The following KCNT1 variants were observed in gnomAD, a reference collection of about 807,000 sequenced individuals.
The protein encoded by KCNT1 is potassium sodium-activated channel subfamily T member 1, also known as potassium channel subfamily T member 1.
In KCNT1, 78 loss-of-function variants were observed where a neutral mutation model predicts 147.8. The ratio of observed to expected loss-of-function variants is 0.53; its 90% confidence interval spans 0.44 to 0.64. KCNT1 has a LOEUF of 0.64. Ranked by LOEUF, KCNT1 falls within the 30% of genes least tolerant of loss-of-function variation. The probability of loss-of-function intolerance (pLI) is 0.00; values close to 1 mark genes in which losing one functional copy is unlikely to be tolerated. For synonymous variants in KCNT1, 867 were observed against 748.8 expected (o/e 1.16, Z -2.58); for missense variants, 1,419 against 1,750.3 (o/e 0.81, Z 3.38).
At position 135,765,610 on chromosome 9, in the gene KCNT1, C is replaced by T. The variant is rs767283074; in HGVS notation, c.1201-14C>T. 2.9e-5 allele frequency: 46 copies of T among 1,602,212 alleles called. No homozygotes were observed. Among genetic ancestry groups the T allele is most frequent in the South Asian group, 6.7e-5 (6 of 90,138 alleles). ...GGCTGGCTCAGAGGGTCTGACCCTC[C>T]GCCTGGCCGGCAGGACTATTACGTG... On this transcript the variant is annotated splice_polypyrimidine_tract_variant and intron_variant, in intron 12 of 30. Transcript: ENST00000371757.
chr9:135,765,433 C>T (rs1379942825), intron 12 of KCNT1, among the ~76,000 whole-genome samples, 191 bp from the exon 13 acceptor site: 1 of 152,120 alleles, frequency 6.6e-6, no homozygotes, highest in Non-Finnish European at 1.5e-5. Flanking sequence ...TTTACCCCTT[C>T]AGTGAGGGTG....
rs1209687264 is a variant in KCNT1, at chr9:135,768,870, C to CGCCCCCAACT, written c.1450_1459dup (p.Leu487GlnfsTer12). 10 of 1,613,406 alleles carry CGCCCCCAACT rather than the reference C, an allele frequency of 6.2e-6. No homozygotes were observed. The highest frequency in any genetic ancestry group is 8.5e-6 in the Non-Finnish European group (10 of 1,179,920). On this transcript the variant is annotated frameshift_variant, in exon 15 of 31. Coordinates refer to ENST00000371757, the MANE Select transcript of KCNT1 (RefSeq NM_020822.3). LOFTEE classifies it high-confidence loss of function. ...TGCGCGCCTGGGCCGTGAAGGACTT[C>CGCCCCCAACT]GCCCCCAACTGCCCCCTCTACGTCC...
At chr9:135,711,848 G>C (rs487861) in intron 1 of KCNT1, among the ~76,000 whole-genome samples, 130,179 of 152,276 alleles carry the variant, frequency 0.85, 56,443 homozygotes, top group Non-Finnish European at 0.93. Context: ...TGCTGGCCAC[G>C]CTACACCTGC....
chr9:135,740,483 G>A (rs559096126), intron 2 of KCNT1, among the ~76,000 whole-genome samples: 3 of 152,346 alleles, frequency 2.0e-5, no homozygotes, highest in African/African-American at 7.2e-5. Context: ...CCCTCTCGAG[G>A]CTGGCAGCTG....
At chr9:135,759,611 G>T in intron 10 of KCNT1, 68 bp from the exon 11 acceptor site, 2 of 1,507,492 alleles carry the variant, frequency 1.3e-6, no homozygotes, top group Non-Finnish European at 1.8e-6. Context: ...GGGCAGGCAG[G>T]ATCTCTGAGG....
chr9:135,705,389 G>A, intron 1 of KCNT1, among the ~76,000 whole-genome samples: 1 of 152,236 alleles, frequency 6.6e-6, no homozygotes, highest in East Asian at 1.9e-4. Flanking sequence ...TGCTGAACGG[G>A]TATCGTGTAC....
At chr9:135,709,238 A>C (rs78501019) in intron 1 of KCNT1, among the ~76,000 whole-genome samples, 2,459 of 152,220 alleles carry the variant, frequency 0.016, 96 homozygotes, top group East Asian at 0.14. Flanking sequence ...ATTATATGCC[A>C]TTCTGTTTGT....
Position 135,750,076 on chromosome 9 carries a change from A to G in KCNT1, c.255-22A>G, listed in dbSNP as rs191265575. ...GAGTCCCCACTGGCCCTGAGCCTCC[A>G]TGCCCCTCTCTGCTTCTTCAGGGTC... On this transcript the variant is annotated intron_variant, in intron 2 of 30. Transcript: ENST00000371757. 505 of 1,607,730 alleles carry G rather than the reference A, an allele frequency of 3.1e-4. 1 individual carries two copies. The African/African-American group carries it at 6.0e-3, about 19-fold the overall frequency.
At chr9:135,760,899 G>A (rs1291084858) in intron 11 of KCNT1, among the ~76,000 whole-genome samples, 1 of 152,142 alleles carries the variant, frequency 6.6e-6, no homozygotes, top group Non-Finnish European at 1.5e-5. Flanking sequence ...CTTCCCCCTG[G>A]TTCTCGCTGA....
At chr9:135,789,533 G>C (rs942162463) in intron 29 of KCNT1, 6 of 152,212 alleles carry the variant, frequency 3.9e-5, no homozygotes, top group Non-Finnish European at 8.8e-5. Flanking sequence ...CAGCTGCCGT[G>C]GGGGGAGGCA....
chr9:135,754,124 G>A, intron 5 of KCNT1, 131 bp downstream of exon 5: 1 of 746,854 alleles, frequency 1.3e-6, no homozygotes, highest in East Asian at 2.7e-5. Flanking sequence ...GGGGTGGGAT[G>A]AGTCTCCACT....
At chr9:135,706,446 C>T (rs529298010) in intron 1 of KCNT1, among the ~76,000 whole-genome samples, 16 of 152,340 alleles carry the variant, frequency 1.1e-4, no homozygotes, top group East Asian at 3.9e-4. Flanking sequence ...ACAACAGTGC[C>T]GGGGTGTGGT....
intron 28 of KCNT1, 172 bp downstream of exon 28, chr9:135,785,502 T>C (rs1224111086): frequency 3.7e-6 from 3 of 800,946 alleles, no homozygotes; most frequent in Non-Finnish European, 6.1e-6. Flanking sequence ...CAGAGAAGGC[T>C]GTTGACACTC....
intron 2 of KCNT1, among the ~76,000 whole-genome samples, chr9:135,720,621 C>G (rs1393155193): frequency 6.6e-6 from 1 of 152,180 alleles, no homozygotes; most frequent in African/African-American, 2.4e-5. Context: ...GGGAGCTTTG[C>G]TCCGCCTCTC....
At chr9:135,722,164 C>T (rs1835951268) in intron 2 of KCNT1, among the ~76,000 whole-genome samples, 1 of 152,134 alleles carries the variant, frequency 6.6e-6, no homozygotes, top group African/African-American at 2.4e-5. Flanking sequence ...CTGGCTCAGT[C>T]CTCAGCCTGT....
At chr9:135,731,989 T>TAG (rs1836477165) in intron 2 of KCNT1, among the ~76,000 whole-genome samples, 17 of 18,640 alleles carry the variant, frequency 9.1e-4, no homozygotes, top group Admixed American at 2.8e-3. Flanking sequence ...TATATATATA[T>TAG]ATAGAGAGAG....
At chr9:135,759,338 T>G (rs1831741522) in intron 10 of KCNT1, among the ~76,000 whole-genome samples, 1 of 152,166 alleles carries the variant, frequency 6.6e-6, no homozygotes, top group African/African-American at 2.4e-5. Flanking sequence ...GACACAGCCC[T>G]GCATCCCCTG....
chr9:135,736,744 C>G, intron 2 of KCNT1: 1 of 377,842 alleles, frequency 2.6e-6, no homozygotes, highest in Non-Finnish European at 4.7e-6. Flanking sequence ...CCCGCTGCTG[C>G]CGGCCCGCGG....
intron 1 of KCNT1, among the ~76,000 whole-genome samples, chr9:135,711,335 C>T (rs772748722): frequency 7.2e-5 from 11 of 152,110 alleles, no homozygotes; most frequent in Non-Finnish European, 1.6e-4. Context: ...TCCTGGCTAT[C>T]AGAAGAGCCC....
Sources: allele counts gnomAD v4.1 joint callset (sites outside exome capture counted in the v4.1 genomes callset), GRCh38; gene constraint gnomAD v4.1.1; transcripts MANE v1.5; gene names NCBI Gene and HGNC (gene_info 2026-07-23, HGNC 2026-07-21).